The following ARF6 variants were observed in gnomAD, a reference collection of about 807,000 sequenced individuals.
The protein encoded by ARF6 is ADP-ribosylation factor 6.
For synonymous variants in ARF6, 127 were observed against 95.5 expected, an observed-to-expected ratio of 1.33 and a Z score of -1.92; for missense variants, 75 against 232.0, an observed-to-expected ratio of 0.32 and a Z score of 4.40.
rs1894480347 is a variant in ARF6 at position 49,893,646 on chromosome 14, G to C, written c.-91G>C. Reference sequence around the variant, plus strand: ...CGCAAAGGCGCTCTCGCGGCCGAGAGGCTTCGTTTCGGTTTCGCGGCGGCG... The same window carrying C: ...CGCAAAGGCGCTCTCGCGGCCGAGACGCTTCGTTTCGGTTTCGCGGCGGCG... On this transcript the variant is annotated 5_prime_UTR_variant, in exon 2 of 2. Transcript: ENST00000298316. 4.6e-6 allele frequency: 7 copies of C among 1,511,108 alleles called. No homozygotes were observed. 93.6% of individuals were successfully genotyped at this position (1,511,108 alleles called of 1,614,324 possible).
In ARF6 at chr14:49,893,850, G is replaced by A; in HGVS notation, c.114G>A (p.Ser38=). The change falls in exon 2 of 2, where the codon TCG becomes TCA. Residue 38 remains serine (S), a synonymous_variant. Transcript: ENST00000298316. ...TILYKLKLGQ[S]VTTIPTVGFN... is the part of the protein sequence containing the mutation. ...TGTACAAGTTGAAGCTGGGCCAGTC[G>A]GTGACCACCATTCCCACTGTGGGTT... is the stretch of plus-strand genomic sequence containing the variant. The A allele has an allele frequency of 1.2e-6, 2 of 1,614,242 alleles. No individual in the cohort carries two copies. Among genetic ancestry groups the A allele is most frequent in the Non-Finnish European group, 1.7e-6 (2 of 1,180,048 alleles).
Position 49,896,526 on chromosome 14 carries a change from T to A in ARF6, c.*2262T>A, listed in dbSNP as rs1322997787. 2 of 167,170 alleles carry A rather than the reference T, an allele frequency of 1.2e-5. No individual in the cohort carries two copies. The highest frequency in any genetic ancestry group is 3.8e-4 in the East Asian group (2 of 5,196). The allele number at this position is 167,170 out of a possible 1,614,324, so 10.4% of individuals were successfully genotyped here. On this transcript the variant is annotated 3_prime_UTR_variant, in exon 2 of 2. Coordinates refer to ENST00000298316, the MANE Select transcript of ARF6 (RefSeq NM_001663.4). The stretch of plus-strand genomic sequence containing the variant: ...ATTGGTAGGCAGCCATTTTTTTGTG[T>A]CTTAAAATAACTGGGGGCATAGTTA...
Position 49,895,187 on chromosome 14 carries a change from C to G in ARF6, c.*923C>G, listed in dbSNP as rs1424732797. 1.2e-5 allele frequency: 2 copies of G among 166,740 alleles called. No individual in the cohort carries two copies. Among genetic ancestry groups the G allele is most frequent in the Admixed American group, 6.5e-5 (1 of 15,274 alleles). 10.3% of individuals were successfully genotyped at this position (166,740 alleles called of 1,614,324 possible). The stretch of plus-strand genomic sequence containing the variant: ...AGAAATTGGAGCAATAATGGTGTTA[C>G]CACACACAGATTAAATAATTTGTAG... On this transcript the variant is annotated 3_prime_UTR_variant, in exon 2 of 2. Transcript: ENST00000298316.
rs35848359 is a variant in ARF6 at position 49,894,453 on chromosome 14, C to CTTTTTTTTT, written c.*203_*211dup. On this transcript the variant is annotated 3_prime_UTR_variant, in exon 2 of 2. Transcript: ENST00000298316. ...TTTTGTTTGTTTCCCTTTCTTTTTC[C>CTTTTTTTTT]TTTTTTTTTTTTTTTTTTTTTTGTT... 81 of 245,496 alleles carry CTTTTTTTTT rather than the reference C, an allele frequency of 3.3e-4. No homozygotes were observed. Among genetic ancestry groups the CTTTTTTTTT allele is most frequent in the African/African-American group, 6.7e-4 (19 of 28,442 alleles). 15.2% of individuals were successfully genotyped at this position (245,496 alleles called of 1,614,324 possible).
At position 49,896,124 on chromosome 14, in the gene ARF6, T is replaced by C. The variant is rs1894520287; in HGVS notation, c.*1860T>C. 6.1e-6 allele frequency: 1 copy of C among 164,812 alleles called. No individual in the cohort carries two copies. Among genetic ancestry groups the C allele is most frequent in the Non-Finnish European group, 1.5e-5 (1 of 68,078 alleles). The allele number at this position is 164,812 out of a possible 1,614,324, so 10.2% of individuals were successfully genotyped here. A position where few individuals can be genotyped will look rare whatever the true frequency, so the allele number is the denominator to read the frequency against. On this transcript the variant is annotated 3_prime_UTR_variant, in exon 2 of 2. Transcript: ENST00000298316. ...TTCAAAGTAAAACTCTTAACAAACA[T>C]TTTACTTAAAGCAGATGCAAAAGGG...
At position 49,893,475 on chromosome 14, in the gene ARF6, C is replaced by G; in HGVS notation, c.-262C>G. 2 of 390,514 alleles carry G rather than the reference C, an allele frequency of 5.1e-6. No individual in the cohort carries two copies. Among genetic ancestry groups the G allele is most frequent in the Non-Finnish European group, 9.2e-6 (2 of 218,554 alleles). The allele number at this position is 390,514 out of a possible 1,614,324, so 24.2% of individuals were successfully genotyped here. A position where few individuals can be genotyped will look rare whatever the true frequency, so the allele number is the denominator to read the frequency against. On this transcript the variant is annotated 5_prime_UTR_variant, in exon 2 of 2. Transcript: ENST00000298316. ...GGGGAAGGGCAGTTCCGGGCCGGGCCGCGCCTCAGCAGGGCGGCGGCTCCC... is the reference window on the plus strand; with the variant it reads ...GGGGAAGGGCAGTTCCGGGCCGGGCGGCGCCTCAGCAGGGCGGCGGCTCCC...
In ARF6 at chr14:49,893,731, G is replaced by A; in HGVS notation, c.-6G>A. 2 of 1,607,230 alleles carry A rather than the reference G, an allele frequency of 1.2e-6. No homozygotes were observed. Among genetic ancestry groups the A allele is most frequent in the Non-Finnish European group, 1.7e-6 (2 of 1,174,174 alleles). ...GAATGCCCCCGGCCCCGGCTCCTCC[G>A]ACGCGATGGGGAAGGTGCTATCCAA... is the stretch of plus-strand genomic sequence containing the variant. On this transcript the variant is annotated 5_prime_UTR_variant, in exon 2 of 2. Coordinates refer to ENST00000298316, the MANE Select transcript of ARF6 (RefSeq NM_001663.4).
chr14:49,894,378 T>C lies in ARF6; in HGVS notation c.*114T>C. 1 of 1,132,370 alleles carries C rather than the reference T, an allele frequency of 8.8e-7. No homozygotes were observed. Among genetic ancestry groups the C allele is most frequent in the Non-Finnish European group, 1.2e-6 (1 of 809,040 alleles). The allele number at this position is 1,132,370 out of a possible 1,614,324, so 70.1% of individuals were successfully genotyped here. A position where few individuals can be genotyped will look rare whatever the true frequency, so the allele number is the denominator to read the frequency against. On this transcript the variant is annotated 3_prime_UTR_variant, in exon 2 of 2. Coordinates refer to ENST00000298316, the MANE Select transcript of ARF6 (RefSeq NM_001663.4). ...TTTCTCTTCTTTTGAATTTGAACTCTGGAGTTACTGTTCTACAGTTTGGCG... is the reference window on the plus strand; with the variant it reads ...TTTCTCTTCTTTTGAATTTGAACTCCGGAGTTACTGTTCTACAGTTTGGCG...
At position 49,894,971 on chromosome 14, in the gene ARF6, G is replaced by A. The variant is rs1894502693; in HGVS notation, c.*707G>A. 1 of 167,046 alleles carries A rather than the reference G, an allele frequency of 6.0e-6. No individual in the cohort carries two copies. Among genetic ancestry groups the A allele is most frequent in the Admixed American group, 6.6e-5 (1 of 15,252 alleles). The allele number at this position is 167,046 out of a possible 1,614,324, so 10.3% of individuals were successfully genotyped here. On this transcript the variant is annotated 3_prime_UTR_variant, in exon 2 of 2. Coordinates refer to ENST00000298316, the MANE Select transcript of ARF6 (RefSeq NM_001663.4). ...GGTAATGTAAGAAGTTCTCTGAAATGTCAGCAAGTAAGTTCTGAAACACAT... is the reference window on the plus strand; with the variant it reads ...GGTAATGTAAGAAGTTCTCTGAAATATCAGCAAGTAAGTTCTGAAACACAT...
intron 1 of ARF6, 23 bp downstream of exon 1, chr14:49,893,180 A>G (rs1373167521): frequency 6.6e-6 from 1 of 152,028 alleles, no homozygotes; most frequent in Non-Finnish European, 1.5e-5. Context: ...GCCGAGCTGG[A>G]AAGGCGGGCC....
Position 49,893,641 on chromosome 14 carries a change from CGA to C in ARF6, c.-92_-91del. On this transcript the variant is annotated 5_prime_UTR_variant, in exon 2 of 2. Transcript: ENST00000298316. ...CAGGCCGCAAAGGCGCTCTCGCGGCCGAGAGGCTTCGTTTCGGTTTCGCGGCG... is the reference window on the plus strand; with the variant it reads ...CAGGCCGCAAAGGCGCTCTCGCGGCCGAGGCTTCGTTTCGGTTTCGCGGCG... 6.7e-7 allele frequency: 1 copy of C among 1,495,326 alleles called. No individual in the cohort carries two copies. Among genetic ancestry groups the C allele is most frequent in the Non-Finnish European group, 9.1e-7 (1 of 1,101,812 alleles). The allele number at this position is 1,495,326 out of a possible 1,614,324, so 92.6% of individuals were successfully genotyped here. A position where few individuals can be genotyped will look rare whatever the true frequency, so the allele number is the denominator to read the frequency against.
rs1368144953 is a variant in ARF6, at chr14:49,896,927, A to G, written c.*2663A>G. 1.2e-5 allele frequency: 2 copies of G among 167,086 alleles called. No individual in the cohort carries two copies. Among genetic ancestry groups the G allele is most frequent in the East Asian group, 1.9e-4 (1 of 5,210 alleles). 10.4% of individuals were successfully genotyped at this position (167,086 alleles called of 1,614,324 possible). A position where few individuals can be genotyped will look rare whatever the true frequency, so the allele number is the denominator to read the frequency against. On this transcript the variant is annotated 3_prime_UTR_variant, in exon 2 of 2. Coordinates refer to ENST00000298316, the MANE Select transcript of ARF6 (RefSeq NM_001663.4). ...TTGAATGAGGTTAATCTTGTTTAAT[A>G]TAAGTAAATGAGTCTGTAGACTGTG... is the stretch of plus-strand genomic sequence containing the variant.
Position 49,894,308 on chromosome 14 carries a change from C to T in ARF6, c.*44C>T. ...CCCCTGGAAGGAGAGAAATCAAAAACCCATTCATAGGATTATCGCCACCAT... is the reference window on the plus strand; with the variant it reads ...CCCCTGGAAGGAGAGAAATCAAAAATCCATTCATAGGATTATCGCCACCAT... On this transcript the variant is annotated 3_prime_UTR_variant, in exon 2 of 2. Transcript: ENST00000298316. The T allele has an allele frequency of 3.9e-6, 6 of 1,531,306 alleles. No homozygotes were observed. Among genetic ancestry groups the T allele is most frequent in the Non-Finnish European group, 5.3e-6 (6 of 1,134,734 alleles). 94.9% of individuals were successfully genotyped at this position (1,531,306 alleles called of 1,614,324 possible).
In ARF6 at chr14:49,896,257, A is replaced by C. The variant is rs1393660031; in HGVS notation, c.*1993A>C. ...TTTAGTAGAAAGAGCTCTAGAAATG[A>C]GGCTGATAAACACATCTAAGAACAC... On this transcript the variant is annotated 3_prime_UTR_variant, in exon 2 of 2. Transcript: ENST00000298316. 1 of 167,046 alleles carries C rather than the reference A, an allele frequency of 6.0e-6. No individual in the cohort carries two copies. Among genetic ancestry groups the C allele is most frequent in the Non-Finnish European group, 1.5e-5 (1 of 68,080 alleles). 10.3% of individuals were successfully genotyped at this position (167,046 alleles called of 1,614,324 possible). A position where few individuals can be genotyped will look rare whatever the true frequency, so the allele number is the denominator to read the frequency against.
In ARF6 at chr14:49,894,427, C is replaced by G; in HGVS notation, c.*163C>G. 4.3e-6 allele frequency: 2 copies of G among 466,636 alleles called. No homozygotes were observed. The highest frequency in any genetic ancestry group is 7.2e-6 in the Non-Finnish European group (2 of 278,246). 28.9% of individuals were successfully genotyped at this position (466,636 alleles called of 1,614,324 possible). A position where few individuals can be genotyped will look rare whatever the true frequency, so the allele number is the denominator to read the frequency against. On this transcript the variant is annotated 3_prime_UTR_variant, in exon 2 of 2. Coordinates refer to ENST00000298316, the MANE Select transcript of ARF6 (RefSeq NM_001663.4). ...CGGGGACGGGGCTTGGGGGTTTTCTCTTTTGTTTGTTTCCCTTTCTTTTTC... is the reference window on the plus strand; with the variant it reads ...CGGGGACGGGGCTTGGGGGTTTTCTGTTTTGTTTGTTTCCCTTTCTTTTTC...
chr14:49,893,575 C>CG lies in ARF6; in HGVS notation c.-156dup. 1.3e-6 allele frequency: 1 copy of CG among 790,750 alleles called. No individual in the cohort carries two copies. Among genetic ancestry groups the CG allele is most frequent in the Non-Finnish European group, 2.0e-6 (1 of 501,632 alleles). The allele number at this position is 790,750 out of a possible 1,614,324, so 49.0% of individuals were successfully genotyped here. The stretch of plus-strand genomic sequence containing the variant: ...GTGCGGTCGGTGATGCCCGAGTGAG[C>CG]GGGGGGCCTGGGCCTCTGCCCTTAG... On this transcript the variant is annotated 5_prime_UTR_variant, in exon 2 of 2. Coordinates refer to ENST00000298316, the MANE Select transcript of ARF6 (RefSeq NM_001663.4).
chr14:49,895,318 T>C lies in ARF6; in HGVS notation c.*1054T>C, dbSNP rs556561734. 1 of 167,192 alleles carries C rather than the reference T, an allele frequency of 6.0e-6. No individual in the cohort carries two copies. Among genetic ancestry groups the C allele is most frequent in the South Asian group, 2.1e-4 (1 of 4,834 alleles). 10.4% of individuals were successfully genotyped at this position (167,192 alleles called of 1,614,324 possible). A position where few individuals can be genotyped will look rare whatever the true frequency, so the allele number is the denominator to read the frequency against. ...TTACTAAAAGGTTTACTTTGTTCATTAATAAAACATTTAACAATTCAAATT... is the reference window on the plus strand; with the variant it reads ...TTACTAAAAGGTTTACTTTGTTCATCAATAAAACATTTAACAATTCAAATT... On this transcript the variant is annotated 3_prime_UTR_variant, in exon 2 of 2. Coordinates refer to ENST00000298316, the MANE Select transcript of ARF6 (RefSeq NM_001663.4).
chr14:49,893,662 C>CGCGGCG lies in ARF6; in HGVS notation c.-65_-60dup. On this transcript the variant is annotated 5_prime_UTR_variant, in exon 2 of 2. Transcript: ENST00000298316. ...CGGCCGAGAGGCTTCGTTTCGGTTT[C>CGCGGCG]GCGGCGGCGGCGGCGTTGTTGGCTG... 11 of 1,540,180 alleles carry CGCGGCG rather than the reference C, an allele frequency of 7.1e-6. No individual in the cohort carries two copies. The highest frequency in any genetic ancestry group is 2.3e-5 in the East Asian group (1 of 44,260).
rs1894477890 is a variant in ARF6, at chr14:49,893,528, C to T, written c.-209C>T. On this transcript the variant is annotated 5_prime_UTR_variant, in exon 2 of 2. Transcript: ENST00000298316. ...CGCAGTCTCAGGGCCCGGGTGGCGGCGGCGACTGGAGAAATCAAGTTGTGC... is the reference window on the plus strand; with the variant it reads ...CGCAGTCTCAGGGCCCGGGTGGCGGTGGCGACTGGAGAAATCAAGTTGTGC... 1.7e-6 allele frequency: 1 copy of T among 595,364 alleles called. No homozygotes were observed. The allele number at this position is 595,364 out of a possible 1,614,324, so 36.9% of individuals were successfully genotyped here. A position where few individuals can be genotyped will look rare whatever the true frequency, so the allele number is the denominator to read the frequency against.
Sources: allele counts gnomAD v4.1 joint callset, GRCh38; gene constraint gnomAD v4.1.1; transcripts MANE v1.5; gene names NCBI Gene and HGNC (gene_info 2026-07-23, HGNC 2026-07-21).